SRD5A3: variants seen among roughly 807,000 people sequenced by gnomAD.
SRD5A3 encodes polyprenal reductase.
Under a neutral mutation model 34.3 loss-of-function variants are expected in SRD5A3, and 24 were observed. That is an observed-to-expected ratio of 0.70 (90% confidence interval 0.51 to 0.99). The LOEUF (loss-of-function observed/expected upper bound fraction) is 0.99. Ranked by LOEUF, SRD5A3 falls within the 50% of genes least tolerant of loss-of-function variation. SRD5A3 has a pLI of 0.00. For missense variants in SRD5A3, 350 were observed against 388.2 expected, an observed-to-expected ratio of 0.90 and a Z score of 0.83; for synonymous variants, 161 against 167.3, an observed-to-expected ratio of 0.96 and a Z score of 0.29.
chr4:55,368,470 G>C (rs1438566438), intron 4 of SRD5A3, among the ~76,000 whole-genome samples: 1 of 149,782 alleles, frequency 6.7e-6, no homozygotes, highest in African/African-American at 2.5e-5. Flanking sequence ...TGTTACCCAA[G>C]CTGTAGTGCA....
chr4:55,352,133 T>A (rs942998149), intron 1 of SRD5A3: 1 of 818,836 alleles, frequency 1.2e-6, no homozygotes, highest in African/African-American at 1.7e-5. Flanking sequence ...ATACAGACAG[T>A]CCATCATTGA....
chr4:55,357,042 GA>G (rs1318581166), intron 1 of SRD5A3, among the ~76,000 whole-genome samples: 5 of 152,286 alleles, frequency 3.3e-5, no homozygotes, highest in Non-Finnish European at 5.9e-5. Context: ...CTTCTGCCTA[GA>G]AAGTTCTTCC....
intron 2 of SRD5A3, among the ~76,000 whole-genome samples, chr4:55,360,571 A>T (rs1040326038): frequency 6.6e-6 from 1 of 152,102 alleles, no homozygotes; most frequent in African/African-American, 2.4e-5. Context: ...ATGGAAAAAA[A>T]GTTATGCTGT....
intron 1 of SRD5A3, among the ~76,000 whole-genome samples, chr4:55,357,541 C>T (rs1349690655): frequency 6.6e-6 from 1 of 151,950 alleles, no homozygotes; most frequent in African/African-American, 2.4e-5. Flanking sequence ...GGCGATTGGC[C>T]TTGATGCATG....
chr4:55,346,778 G>C (rs1349696250), intron 1 of SRD5A3, among the ~76,000 whole-genome samples: 1 of 152,208 alleles, frequency 6.6e-6, no homozygotes, highest in South Asian at 2.1e-4. Flanking sequence ...CGGACGCCGA[G>C]GGAGAGCGGA....
At chr4:55,358,528 C>T in intron 1 of SRD5A3, among the ~76,000 whole-genome samples, 1 of 92,026 alleles carries the variant, frequency 1.1e-5, no homozygotes. Context: ...ACAGCAAGAC[C>T]CTGTCTCAAA....
rs1720068844 is a variant in SRD5A3, at chr4:55,370,198, C to T, written c.*107C>T. The T allele has an allele frequency of 4.8e-6, 7 of 1,465,620 alleles. No homozygotes were observed. In the Admixed American group the frequency reaches 6.7e-5, roughly 14 times the overall value. 90.8% of individuals were successfully genotyped at this position (1,465,620 alleles called of 1,614,324 possible). A position where few individuals can be genotyped will look rare whatever the true frequency, so the allele number is the denominator to read the frequency against. ...TTTCAGCAAAGCTGTTTGAAACTCTCCATTCCATTTCTATACCCCACAAGT... is the reference window on the plus strand; with the variant it reads ...TTTCAGCAAAGCTGTTTGAAACTCTTCATTCCATTTCTATACCCCACAAGT... On this transcript the variant is annotated 3_prime_UTR_variant, in exon 5 of 5. Transcript: ENST00000264228.
intron 3 of SRD5A3, among the ~76,000 whole-genome samples, chr4:55,365,228 G>A (rs1719842952): frequency 6.6e-6 from 1 of 152,144 alleles, no homozygotes; most frequent in South Asian, 2.1e-4. Context: ...TGTAAACTCA[G>A]GCTGAGGTCT....
chr4:55,359,365 A>G lies in SRD5A3; in HGVS notation c.241A>G (p.Ile81Val). 1.9e-6 allele frequency: 3 copies of G among 1,613,840 alleles called. No homozygotes were observed. The highest frequency in any genetic ancestry group is 2.5e-6 in the Non-Finnish European group (3 of 1,180,010). Residue 81 changes from isoleucine (I) to valine (V), a missense_variant, in exon 2 of 5, where the codon ATC (isoleucine) becomes GTC (valine). By Grantham distance (29) the Ile-to-Val change is conservative (BLOSUM62 3). This residue lies in a region of SRD5A3 where 159 missense variants were observed against 149.1 expected (regional missense o/e 1.07). Transcript: ENST00000264228. ...VPKRYFSHFYIISVLWNGFLL... is the reference protein window; with the variant it reads ...VPKRYFSHFYVISVLWNGFLL... ...TTGCAGATATTTTTCCCACTTTTAT[A>G]TCATCTCAGTGCTGTGGAATGGCTT...
intron 2 of SRD5A3, among the ~76,000 whole-genome samples, chr4:55,360,791 C>T (rs756654618): frequency 1.3e-4 from 19 of 150,262 alleles, no homozygotes; most frequent in Non-Finnish European, 1.9e-4. Context: ...CAGGTTCAAG[C>T]GATTCTCCTG....
intron 1 of SRD5A3, among the ~76,000 whole-genome samples, chr4:55,349,469 G>A (rs1226928669): frequency 6.6e-6 from 1 of 151,966 alleles, no homozygotes; most frequent in Non-Finnish European, 1.5e-5. Flanking sequence ...TCTTTCCTAC[G>A]GAGGCAAGAG....
intron 1 of SRD5A3, among the ~76,000 whole-genome samples, chr4:55,347,688 G>T (rs756396361): frequency 2.0e-5 from 3 of 152,066 alleles, no homozygotes; most frequent in Non-Finnish European, 4.4e-5. Context: ...ACACTCATAG[G>T]CAGTGCCCCA....
Position 55,367,674 on chromosome 4 carries a change from C to A in SRD5A3, c.649C>A (p.Gln217Lys), listed in dbSNP as rs749903563. Reference protein sequence around the residue: ...MMMFIWSSAHQYKCHVILGNL... With the variant: ...MMMFIWSSAHKYKCHVILGNL... ...GATGTTCATCTGGTCATCTGCCCAT[C>A]AGTATAAGTGCCATGTTATTCTCGG... The change falls in exon 4 of 5, where the codon CAG becomes AAG. Residue 217 changes from glutamine to lysine, a missense_variant. This residue lies in a region of SRD5A3 where 186 missense variants were observed against 221.4 expected (regional missense o/e 0.84). Coordinates refer to ENST00000264228, the MANE Select transcript of SRD5A3 (RefSeq NM_024592.5). 10 of 1,613,764 alleles carry A rather than the reference C, an allele frequency of 6.2e-6. No individual in the cohort carries two copies. The South Asian group carries it at 1.1e-4, about 18-fold the overall frequency.
intron 1 of SRD5A3, among the ~76,000 whole-genome samples, chr4:55,354,064 G>A (rs966679764): frequency 2.6e-5 from 4 of 152,084 alleles, no homozygotes; most frequent in Non-Finnish European, 5.9e-5. Flanking sequence ...TAACACCTGG[G>A]GCCTGGAGTC....
chr4:55,348,764 G>C (rs935841703), intron 1 of SRD5A3, among the ~76,000 whole-genome samples: 2 of 152,210 alleles, frequency 1.3e-5, no homozygotes, highest in Non-Finnish European at 2.9e-5. Context: ...GAAGATAGCA[G>C]TTGTGCAGTG....
intron 1 of SRD5A3, among the ~76,000 whole-genome samples, chr4:55,355,350 C>T (rs1166300805): frequency 6.6e-6 from 1 of 151,396 alleles, no homozygotes. Flanking sequence ...TCCAGCTACT[C>T]GGGGGGCTGA....
At chr4:55,352,632 G>A (rs926464727) in intron 1 of SRD5A3, among the ~76,000 whole-genome samples, 2 of 152,114 alleles carry the variant, frequency 1.3e-5, no homozygotes, top group Admixed American at 6.6e-5. Context: ...AGAAAAAGTG[G>A]TTTGAGGTTT....
At chr4:55,352,407 A>C in intron 1 of SRD5A3, 1 of 765,878 alleles carries the variant, frequency 1.3e-6, no homozygotes, top group Non-Finnish European at 2.4e-6. Context: ...TTGCTTCCCC[A>C]TGGTCACACC....
intron 3 of SRD5A3, among the ~76,000 whole-genome samples, chr4:55,366,314 G>A (rs965694839): frequency 1.3e-5 from 2 of 152,146 alleles, no homozygotes; most frequent in Non-Finnish European, 2.9e-5. Context: ...CTTGAAGCCT[G>A]TCAGATTTAA....
Sources: allele counts gnomAD v4.1 joint callset (sites outside exome capture counted in the v4.1 genomes callset), GRCh38; gene constraint gnomAD v4.1.1; regional missense constraint gnomAD v4.1.1; transcripts MANE v1.5; gene names NCBI Gene and HGNC (gene_info 2026-07-23, HGNC 2026-07-21).